Variants in ATRX observed in about 807,000 individuals in gnomAD.
ATRX encodes chromatin remodeler ATRX.
In ATRX, 12 loss-of-function variants were observed where a neutral mutation model predicts 172.6. The ratio of observed to expected loss-of-function variants is 0.07; its 90% CI spans 0.04 to 0.11. ATRX has a LOEUF of 0.11. ATRX is among the 10% of genes least tolerant of loss of function. ATRX has a pLI of 1.00. For synonymous variants in ATRX, 674 were observed against 594.7 expected (o/e 1.13, Z -1.94); for missense variants, 1,368 against 1,767.4 (o/e 0.77, Z 4.05).
chrX:77,636,245 C>T (rs782661310), intron 15 of ATRX, among the ~76,000 whole-genome samples, 189 bp from the exon 16 acceptor site: 8 of 111,918 alleles, frequency 7.1e-5, no homozygotes, highest in Non-Finnish European at 7.5e-5. Flanking sequence ...GGAGGTGGGG[C>T]CTGGTGGGAG....
chrX:77,513,230 T>C (rs1387652421), intron 34 of ATRX, among the ~76,000 whole-genome samples: 1 of 96,548 alleles, frequency 1.0e-5, no homozygotes, highest in Non-Finnish European at 2.0e-5. Context: ...GATAGGAGAA[T>C]GGCCTGAACC....
chrX:77,729,138 A>G (rs1224001717), intron 1 of ATRX, among the ~76,000 whole-genome samples: 1 of 109,928 alleles, frequency 9.1e-6, no homozygotes. Context: ...AAAAAAAAAA[A>G]AAAACTGTAA....
chrX:77,685,828 G>T (rs1424914661), intron 7 of ATRX, among the ~76,000 whole-genome samples: 2 of 111,623 alleles, frequency 1.8e-5, no homozygotes, highest in African/African-American at 6.5e-5. Context: ...ATAAAATGCG[G>T]TACATATACA....
At chrX:77,544,605 C>A (rs782704998) in intron 30 of ATRX, among the ~76,000 whole-genome samples, 1 of 99,961 alleles carries the variant, frequency 1.0e-5, no homozygotes, top group Admixed American at 1.1e-4. Context: ...GTGTGATATT[C>A]CCCTTCCTGT....
intron 2 of ATRX, among the ~76,000 whole-genome samples, chrX:77,710,633 T>C (rs2073064630): frequency 9.0e-6 from 1 of 111,486 alleles, no homozygotes; most frequent in African/African-American, 3.3e-5. Flanking sequence ...GGATTGTTGA[T>C]ACATACAACA....
At chrX:77,778,702 C>T (rs1232304929) in intron 1 of ATRX, among the ~76,000 whole-genome samples, 2 of 99,265 alleles carry the variant, frequency 2.0e-5, no homozygotes, top group African/African-American at 3.8e-5. Context: ...GCCTGGGTGA[C>T]AGAGCGAGAC....
chrX:77,655,814 C>T (rs2069516546), intron 13 of ATRX, among the ~76,000 whole-genome samples: 1 of 110,172 alleles, frequency 9.1e-6, no homozygotes, highest in South Asian at 3.9e-4. Flanking sequence ...CTAAAAAAAC[C>T]TCGAATGTTC....
Position 77,681,752 on chromosome X carries a change from C to G in ATRX, c.3504G>C (p.Lys1168Asn), listed in dbSNP as rs782512381. ...TCTTTTTAGATGAAGTTCTTTGCTT[C>G]TTCTTTTTATTATCTTCAGAACTTT... ...AEESSEDNKK[K>N]KQRTSSKKKA... The change falls in exon 9 of 35, where the codon AAG (lysine) becomes AAC (asparagine). Residue 1168 changes from lysine to asparagine, a missense_variant. Lys to Asn is a moderately conservative substitution (Grantham distance 94). Transcript: ENST00000373344. The G allele has an allele frequency of 5.8e-6, 7 of 1,199,819 alleles. No homozygotes were observed. The African/African-American group carries it at 1.2e-4, about 21-fold the overall frequency.
At chrX:77,638,615 A>T (rs1485568362) in intron 15 of ATRX, among the ~76,000 whole-genome samples, 1 of 113,094 alleles carries the variant, frequency 8.8e-6, no homozygotes, top group Non-Finnish European at 1.9e-5. Context: ...ATGTTTGTAA[A>T]TGTCTCTTTA....
At chrX:77,752,885 A>AT (rs1400713206) in intron 1 of ATRX, among the ~76,000 whole-genome samples, 1 of 111,308 alleles carries the variant, frequency 9.0e-6, no homozygotes, top group Non-Finnish European at 1.9e-5. Context: ...TTTATTGAGG[A>AT]TTTTCACATC....
chrX:77,604,812 T>C (rs1208934630), intron 22 of ATRX, among the ~76,000 whole-genome samples: 1 of 112,447 alleles, frequency 8.9e-6, no homozygotes, highest in Non-Finnish European at 1.9e-5. Context: ...GGAATACTAT[T>C]TGGCCACAAA....
At chrX:77,582,887 T>G (rs1415729113) in intron 27 of ATRX, among the ~76,000 whole-genome samples, 1 of 111,631 alleles carries the variant, frequency 9.0e-6, no homozygotes, top group Non-Finnish European at 1.9e-5. Context: ...CAGGACCCAA[T>G]AGCTTCACTG....
At chrX:77,698,663 T>A in intron 2 of ATRX, 34 bp from the exon 3 acceptor site, 2 of 1,098,912 alleles carry the variant, frequency 1.8e-6, no homozygotes, top group Non-Finnish European at 2.5e-6. Context: ...ATTATTTATC[T>A]CTTCGATGCA....
At chrX:77,630,588 T>A (rs1602962555) in intron 19 of ATRX, among the ~76,000 whole-genome samples, 1 of 111,970 alleles carries the variant, frequency 8.9e-6, no homozygotes, top group Admixed American at 9.5e-5. Flanking sequence ...AACACATACA[T>A]CTATGGTCAA....
intron 30 of ATRX, among the ~76,000 whole-genome samples, chrX:77,551,933 C>T (rs71568918): frequency 9.0e-6 from 1 of 111,629 alleles, no homozygotes; most frequent in Admixed American, 9.5e-5. Flanking sequence ...CCATCTCATA[C>T]CAGTTGGAAT....
intron 2 of ATRX, among the ~76,000 whole-genome samples, chrX:77,711,988 A>G (rs1557161577): frequency 1.2e-4 from 13 of 112,204 alleles, no homozygotes. Flanking sequence ...CACTTAGGCA[A>G]CAGGACCAGA....
intron 1 of ATRX, among the ~76,000 whole-genome samples, chrX:77,721,523 C>A (rs1388273074): frequency 9.0e-6 from 1 of 111,587 alleles, no homozygotes; most frequent in African/African-American, 3.3e-5. Context: ...CATTCTTATA[C>A]AACAATAACA....
At chrX:77,537,680 A>C (rs1229736406) in intron 30 of ATRX, among the ~76,000 whole-genome samples, 6 of 110,522 alleles carry the variant, frequency 5.4e-5, no homozygotes, top group African/African-American at 1.3e-4. Context: ...TAAAAAAAAA[A>C]CATATTTCTA....
chrX:77,526,065 T>C (rs1299515050), intron 30 of ATRX, among the ~76,000 whole-genome samples: 1 of 111,549 alleles, frequency 9.0e-6, no homozygotes, highest in Admixed American at 9.5e-5. Context: ...ATAGAATTAG[T>C]AGAAATTGAG....
Sources: gnomAD v4.1 joint callset for allele counts (sites outside exome capture counted in the v4.1 genomes callset) on GRCh38, gnomAD v4.1.1 for gene constraint, MANE v1.5 for transcripts, NCBI Gene and HGNC (gene_info 2026-07-23, HGNC 2026-07-21) for gene names.